DLGAP1: variants seen among roughly 807,000 people sequenced by gnomAD.
The protein encoded by DLGAP1 is disks large-associated protein 1.
Under a neutral mutation model 90.8 loss-of-function variants are expected in DLGAP1, and 11 were observed. The ratio of observed to expected loss-of-function variants is 0.12; its 90% CI spans 0.08 to 0.20. The LOEUF (loss-of-function observed/expected upper bound fraction) is 0.20. Among genes scored for constraint, DLGAP1 ranks in the 10% least tolerant of loss-of-function variants. The probability of loss-of-function intolerance (pLI) is 1.00; values close to 1 mark genes in which losing one functional copy is unlikely to be tolerated. For missense variants in DLGAP1, 1,050 were observed against 1,333.8 expected (o/e 0.79, Z 3.31); for synonymous variants, 558 against 540.7 (o/e 1.03, Z -0.44).
chr18:3,978,517 G>T, intron 3 of DLGAP1: 1 of 248,704 alleles, frequency 4.0e-6, no homozygotes, highest in Non-Finnish European at 8.1e-6. Context: ...ACGGGTAACC[G>T]ATGGTGACAA....
intron 7 of DLGAP1, among the ~76,000 whole-genome samples, chr18:3,700,164 TG>T (rs754842661): frequency 2.0e-5 from 3 of 152,160 alleles, no homozygotes; most frequent in Non-Finnish European, 4.4e-5. Flanking sequence ...CAGGCACCAC[TG>T]GGGTATGAAA....
chr18:4,080,967 C>T (rs1456000252), intron 2 of DLGAP1, among the ~76,000 whole-genome samples: 1 of 151,570 alleles, frequency 6.6e-6, no homozygotes, highest in South Asian at 2.1e-4. Context: ...TGGCTCACTG[C>T]AACCTCCGCC....
intron 3 of DLGAP1, among the ~76,000 whole-genome samples, chr18:3,948,534 C>T (rs2072920162): frequency 6.6e-6 from 1 of 152,116 alleles, no homozygotes; most frequent in Non-Finnish European, 1.5e-5. Context: ...AGGGTAAGAG[C>T]CAAGCACGCA....
At chr18:4,175,852 G>A (rs144326324) in intron 1 of DLGAP1, among the ~76,000 whole-genome samples, 2,311 of 152,052 alleles carry the variant, frequency 0.015, 73 homozygotes, top group African/African-American at 0.051. Flanking sequence ...ATTTGAAGTC[G>A]GGTAGTGTGA....
intron 1 of DLGAP1, among the ~76,000 whole-genome samples, chr18:4,297,429 T>A (rs754847555): frequency 6.6e-6 from 1 of 152,168 alleles, no homozygotes; most frequent in Admixed American, 6.5e-5. Flanking sequence ...AACTTATTCA[T>A]GAAGAGACAA....
At chr18:4,009,628 T>C (rs1294890812) in intron 2 of DLGAP1, among the ~76,000 whole-genome samples, 1 of 152,216 alleles carries the variant, frequency 6.6e-6, no homozygotes, top group African/African-American at 2.4e-5. Context: ...CTCTTCCTCC[T>C]TTGTTGCTGT....
At chr18:3,995,015 A>C (rs1283834677) in intron 3 of DLGAP1, among the ~76,000 whole-genome samples, 1 of 152,240 alleles carries the variant, frequency 6.6e-6, no homozygotes, top group African/African-American at 2.4e-5. Context: ...GTATCTATAG[A>C]TTATGCTCAA....
At chr18:3,917,838 A>G (rs1177210626) in intron 3 of DLGAP1, among the ~76,000 whole-genome samples, 1 of 119,606 alleles carries the variant, frequency 8.4e-6, no homozygotes, top group Non-Finnish European at 1.9e-5. Flanking sequence ...TACCTAGGGG[A>G]AAAGGAAAAA....
chr18:4,057,739 T>C (rs1366657078), intron 2 of DLGAP1, among the ~76,000 whole-genome samples: 1 of 152,258 alleles, frequency 6.6e-6, no homozygotes, highest in Non-Finnish European at 1.5e-5. Flanking sequence ...AAGAATCAAG[T>C]ATGCTTCAGA....
intron 3 of DLGAP1, among the ~76,000 whole-genome samples, chr18:3,941,920 C>A (rs2072777638): frequency 2.0e-5 from 3 of 152,136 alleles, no homozygotes; most frequent in Non-Finnish European, 4.4e-5. Flanking sequence ...CACTACATTG[C>A]CCAGGCTAGT....
chr18:3,980,917 A>G (rs949767868), intron 3 of DLGAP1, among the ~76,000 whole-genome samples: 1 of 152,174 alleles, frequency 6.6e-6, no homozygotes, highest in Non-Finnish European at 1.5e-5. Context: ...TCTTGTAGCA[A>G]TTTTCAAGTA....
intron 7 of DLGAP1, among the ~76,000 whole-genome samples, chr18:3,685,188 T>C (rs1410241900): frequency 1.3e-5 from 2 of 152,188 alleles, no homozygotes; most frequent in Non-Finnish European, 2.9e-5. Flanking sequence ...GATTTAAGCA[T>C]GATATATCAG....
intron 3 of DLGAP1, among the ~76,000 whole-genome samples, chr18:3,968,163 A>C (rs2073368855): frequency 6.6e-6 from 1 of 152,168 alleles, no homozygotes; most frequent in African/African-American, 2.4e-5. Flanking sequence ...TCTGAGCATA[A>C]ATTTACTGGG....
chr18:3,543,907 C>T (rs1406303848), intron 9 of DLGAP1, among the ~76,000 whole-genome samples: 2 of 152,108 alleles, frequency 1.3e-5, no homozygotes, highest in Admixed American at 6.5e-5. Flanking sequence ...GAGATCTGCA[C>T]GGGTCCCAAT....
chr18:4,350,796 C>T (rs980742793), intron 1 of DLGAP1, among the ~76,000 whole-genome samples: 3 of 152,110 alleles, frequency 2.0e-5, no homozygotes, highest in Non-Finnish European at 2.9e-5. Context: ...GAATTTAACT[C>T]TTTCTTCTGC....
At position 4,145,841 on chromosome 18, in the gene DLGAP1, T is replaced by C. The variant is rs376302856; in HGVS notation, c.-159+5339A>G. On this transcript the variant is annotated intron_variant, in intron 2 of 12. Transcript: ENST00000315677. ...TCTTTATTTTAGTTTCTCCCCAAGC[T>C]AGATTACAAGGCAGAAAACAAAACG... Among the ~76,000 whole-genome samples the C allele has an allele frequency of 7.0e-4, 107 of 152,258 alleles. No homozygotes were observed. The South Asian group carries it at 0.011, about 16-fold the overall frequency.
chr18:3,672,599 AAAAAAAAAAAGTTAATGAGAAAC>A (rs2060135344), intron 7 of DLGAP1, among the ~76,000 whole-genome samples: 7 of 122,066 alleles, frequency 5.7e-5, no homozygotes, highest in South Asian at 2.1e-4. Context: ...AAAAAAAAAA[AAAAAAAAAAAGTTAATGAGAAAC>A]AGGTAGATAA....
intron 7 of DLGAP1, among the ~76,000 whole-genome samples, chr18:3,704,885 T>C (rs2061385876): frequency 6.6e-6 from 1 of 152,250 alleles, no homozygotes; most frequent in Non-Finnish European, 1.5e-5. Context: ...GATTCCATAA[T>C]ATTAGTATTT....
chr18:3,937,823 G>A (rs574807763), intron 3 of DLGAP1, among the ~76,000 whole-genome samples: 31 of 152,276 alleles, frequency 2.0e-4, no homozygotes, highest in Admixed American at 8.5e-4. Context: ...GCGATTAAGC[G>A]TGAGGGCTTT....
Sources: gnomAD v4.1 joint callset for allele counts (sites outside exome capture counted in the v4.1 genomes callset) on GRCh38, gnomAD v4.1.1 for gene constraint, MANE v1.5 for transcripts, NCBI Gene and HGNC (gene_info 2026-07-23, HGNC 2026-07-21) for gene names.